Variants in ST3GAL6 observed in about 807,000 individuals in gnomAD.
ST3GAL6 encodes the protein ST3 beta-galactoside alpha-2,3-sialyltransferase 6.
In ST3GAL6, 31 loss-of-function variants were observed where a neutral mutation model predicts 40.5. The ratio of observed to expected loss-of-function variants is 0.77; its 90% CI spans 0.58 to 1.03. ST3GAL6 has a LOEUF of 1.03. Ranked by LOEUF, ST3GAL6 falls within the 50% of genes least tolerant of loss-of-function variation. The pLI, the probability that ST3GAL6 is intolerant of heterozygous loss-of-function variation, is 0.00. For synonymous variants in ST3GAL6, 129 were observed against 136.9 expected (o/e 0.94, Z 0.40); for missense variants, 357 against 393.2 (o/e 0.91, Z 0.78).
At chr3:98,756,463 G>T in intron 1 of ST3GAL6, 1 of 1,289,584 alleles carries the variant, frequency 7.8e-7, no homozygotes, top group Non-Finnish European at 1.0e-6. Flanking sequence ...TGAGTCTTTG[G>T]CAGCCTGGTC....
chr3:98,759,701 C>T (rs2107385383), upstream of ST3GAL6, among the ~76,000 whole-genome samples: 1 of 152,166 alleles, frequency 6.6e-6, no homozygotes, highest in South Asian at 2.1e-4. Flanking sequence ...CTCTTGCGGT[C>T]TTCCCAGCTC....
At chr3:98,763,292 G>A, upstream of ST3GAL6, 1 of 1,283,356 alleles carries the variant, frequency 7.8e-7, no homozygotes, top group Non-Finnish European at 1.0e-6. Context: ...AAGGAAGGCA[G>A]GATGTGAAAT....
intron 8 of ST3GAL6, among the ~76,000 whole-genome samples, chr3:98,790,933 GT>G (rs1941149019): frequency 6.6e-6 from 1 of 152,162 alleles, no homozygotes; most frequent in Non-Finnish European, 1.5e-5. Context: ...GCTGAAGGCA[GT>G]TAATGCTTTC....
chr3:98,782,059 A>G, intron 5 of ST3GAL6: 1 of 593,664 alleles, frequency 1.7e-6, no homozygotes. Flanking sequence ...CTGAGAGGAA[A>G]GGGTTTTGAA....
At chr3:98,741,915 T>C (rs1375415650) in intron 1 of ST3GAL6, among the ~76,000 whole-genome samples, 1 of 152,164 alleles carries the variant, frequency 6.6e-6, no homozygotes, top group Non-Finnish European at 1.5e-5. Flanking sequence ...AGGTGGGGGA[T>C]TCTGTATGAA....
intron 1 of ST3GAL6, chr3:98,733,048 G>A: frequency 1.4e-6 from 2 of 1,416,710 alleles, no homozygotes; most frequent in Non-Finnish European, 9.2e-7. Context: ...ACCGGTCTGG[G>A]CCGGGGTCCG....
In ST3GAL6 at chr3:98,793,800, T is replaced by A. The variant is rs770521219; in HGVS notation, c.*39T>A. On this transcript the variant is annotated 3_prime_UTR_variant, in exon 10 of 10. Coordinates refer to ENST00000483910, the MANE Select transcript of ST3GAL6 (RefSeq NM_001323368.2). ...GAAGATGATGCTAACAGTGTTAGTT[T>A]TATTTTTGTACTGCAATTTTTAGTT... The A allele has an allele frequency of 1.0e-5, 14 of 1,364,896 alleles. No individual in the cohort carries two copies. The South Asian group carries it at 1.9e-4, about 19-fold the overall frequency. The allele number at this position is 1,364,896 out of a possible 1,614,324, so 84.5% of individuals were successfully genotyped here. A position where few individuals can be genotyped will look rare whatever the true frequency, so the allele number is the denominator to read the frequency against.
intron 4 of ST3GAL6, chr3:98,773,187 A>G (rs1939180207): frequency 4.7e-6 from 1 of 213,422 alleles, no homozygotes; most frequent in South Asian, 1.3e-4. Context: ...TGATCCATGT[A>G]AGTTCTGGTG....
chr3:98,751,716 A>G (rs997407111), intron 1 of ST3GAL6, among the ~76,000 whole-genome samples: 2 of 152,200 alleles, frequency 1.3e-5, no homozygotes, highest in African/African-American at 4.8e-5. Flanking sequence ...TTTATTATTG[A>G]TGAAAAAAAT....
chr3:98,782,706 G>C lies in ST3GAL6; in HGVS notation c.336-2239G>C, dbSNP rs1010420771. On this transcript the variant is annotated intron_variant, in intron 5 of 9. Transcript: ENST00000483910. ...GCTGGTATTTCAAAAACTGCTGCCA[G>C]CAGGGAGGAGGCCAATGGCGTGTCC... 19 of 449,782 alleles carry C rather than the reference G, an allele frequency of 4.2e-5. No individual in the cohort carries two copies. In the East Asian group the frequency reaches 1.0e-3, roughly 25 times the overall value. The allele number at this position is 449,782 out of a possible 1,614,324, so 27.9% of individuals were successfully genotyped here. A position where few individuals can be genotyped will look rare whatever the true frequency, so the allele number is the denominator to read the frequency against.
chr3:98,733,220 G>A, intron 1 of ST3GAL6: 2 of 960,188 alleles, frequency 2.1e-6, no homozygotes, highest in Non-Finnish European at 2.5e-6. Flanking sequence ...GCTGGGACCC[G>A]CGAGCCAGCC....
chr3:98,734,933 A>G (rs148941887), intron 1 of ST3GAL6, among the ~76,000 whole-genome samples: 1 of 152,224 alleles, frequency 6.6e-6, no homozygotes, highest in Non-Finnish European at 1.5e-5. Context: ...CATTTCCCTG[A>G]TAAGCATCAT....
chr3:98,757,157 C>T (rs75786104), intron 1 of ST3GAL6, among the ~76,000 whole-genome samples: 70 of 152,232 alleles, frequency 4.6e-4, no homozygotes, highest in African/African-American at 1.6e-3. Context: ...ATGTTTTACC[C>T]ATGAATATAT....
At chr3:98,780,131 A>G (rs148223932) in intron 5 of ST3GAL6, among the ~76,000 whole-genome samples, 1 of 152,366 alleles carries the variant, frequency 6.6e-6, no homozygotes, top group African/African-American at 2.4e-5. Flanking sequence ...AGAATGAATC[A>G]GTCCTTTCAG....
chr3:98,774,361 A>G (rs1310952774), intron 5 of ST3GAL6, among the ~76,000 whole-genome samples: 1 of 152,134 alleles, frequency 6.6e-6, no homozygotes, highest in Admixed American at 6.5e-5. Context: ...ACTACTGATG[A>G]GATTCTTTCT....
At chr3:98,737,790 GA>G (rs1309359707) in intron 1 of ST3GAL6, among the ~76,000 whole-genome samples, 1 of 152,132 alleles carries the variant, frequency 6.6e-6, no homozygotes, top group Non-Finnish European at 1.5e-5. Context: ...AAGGGATGGA[GA>G]AAAGTCTGGC....
intron 1 of ST3GAL6, among the ~76,000 whole-genome samples, chr3:98,734,282 A>G (rs1351229444): frequency 1.3e-5 from 2 of 152,150 alleles, no homozygotes; most frequent in Non-Finnish European, 2.9e-5. Flanking sequence ...AAGTTGGTTT[A>G]TGTTGCTTCC....
intron 5 of ST3GAL6, among the ~76,000 whole-genome samples, chr3:98,776,017 C>T (rs1939517417): frequency 6.6e-6 from 1 of 152,222 alleles, no homozygotes; most frequent in South Asian, 2.1e-4. Context: ...TGTAACATCA[C>T]AGATGTTCAG....
Position 98,785,736 on chromosome 3 carries a change from C to G in ST3GAL6, c.431+696C>G, listed in dbSNP as rs78635453. Among the ~76,000 whole-genome samples, 1,316 of 152,212 alleles carry G rather than the reference C, an allele frequency of 8.6e-3. 5 individuals are homozygous for G. Among genetic ancestry groups the G allele is most frequent in the Middle Eastern group, 0.02 (6 of 294 alleles). On this transcript the variant is annotated intron_variant, in intron 6 of 9. Coordinates refer to ENST00000483910, the MANE Select transcript of ST3GAL6 (RefSeq NM_001323368.2). Reference sequence around the variant, plus strand: ...GTTTTAAGCAAGAGAACAAAGCAGTCTGGTTATGTCTTAAATATTCTGGCT... The same window carrying G: ...GTTTTAAGCAAGAGAACAAAGCAGTGTGGTTATGTCTTAAATATTCTGGCT...
Sources: allele counts gnomAD v4.1 joint callset (sites outside exome capture counted in the v4.1 genomes callset), GRCh38; gene constraint gnomAD v4.1.1; transcripts MANE v1.5; gene names NCBI Gene and HGNC (gene_info 2026-07-23, HGNC 2026-07-21).